The following ERI3 variants were observed in gnomAD, a reference collection of about 807,000 sequenced individuals.
ERI3 encodes ERI1 exoribonuclease family member 3.
Under a neutral mutation model 44.4 loss-of-function variants are expected in ERI3, and 18 were observed. That is an observed-to-expected ratio of 0.41 (90% CI 0.28 to 0.60). ERI3 has a LOEUF of 0.60. Ranked by LOEUF, ERI3 falls within the 20% of genes least tolerant of loss-of-function variation. ERI3 has a pLI of 0.36. For synonymous variants in ERI3, 183 were observed against 164.8 expected (o/e 1.11, Z -0.84); for missense variants, 294 against 435.5 (o/e 0.68, Z 2.89).
chr1:44,353,490 G>A (rs1646937656), intron 1 of ERI3: 1 of 985,424 alleles, frequency 1.0e-6, no homozygotes, highest in Non-Finnish European at 1.2e-6. Context: ...AGAAGTTGCA[G>A]AGATGCCCCT....
intron 3 of ERI3, among the ~76,000 whole-genome samples, chr1:44,330,144 T>A (rs1400478640): frequency 6.6e-6 from 1 of 152,224 alleles, no homozygotes; most frequent in South Asian, 2.1e-4. Context: ...TGTTTCTTCT[T>A]TTCCACTCAG....
At chr1:44,261,730 C>T (rs1166568350) in intron 7 of ERI3, among the ~76,000 whole-genome samples, 1 of 152,220 alleles carries the variant, frequency 6.6e-6, no homozygotes. Flanking sequence ...TCTTTTCTTC[C>T]CTTCCAATCC....
rs181410188 is a variant in ERI3, at chr1:44,234,010, G to C, written c.932-12370C>G. Among the ~76,000 whole-genome samples, 20 of 152,130 alleles carry C rather than the reference G, an allele frequency of 1.3e-4. No homozygotes were observed. The East Asian group carries it at 2.1e-3, about 16-fold the overall frequency. On this transcript the variant is annotated intron_variant, in intron 8 of 8. Coordinates refer to ENST00000372257, the MANE Select transcript of ERI3 (RefSeq NM_024066.3). ...CACTCCTTGAAGCTCTCTTCCCTAG[G>C]CTTCAGTGACCCACTCTCACTTTTC...
intron 5 of ERI3, among the ~76,000 whole-genome samples, chr1:44,308,980 A>G (rs554330146): frequency 8.7e-4 from 133 of 152,326 alleles, no homozygotes; most frequent in Non-Finnish European, 1.5e-3. Context: ...TCCAGTTGCT[A>G]AAAGTTCAAA....
chr1:44,345,366 G>A (rs969409657), intron 2 of ERI3, among the ~76,000 whole-genome samples: 2 of 152,200 alleles, frequency 1.3e-5, no homozygotes. Flanking sequence ...CTGGGATGGT[G>A]TATGTTTATA....
intron 8 of ERI3, among the ~76,000 whole-genome samples, chr1:44,229,340 T>C (rs1185898682): frequency 6.6e-6 from 1 of 152,152 alleles, no homozygotes; most frequent in Non-Finnish European, 1.5e-5. Context: ...GGGAAGGAAA[T>C]GAAGAGGCAG....
At chr1:44,286,430 G>C (rs1442963247) in intron 6 of ERI3, among the ~76,000 whole-genome samples, 1 of 152,148 alleles carries the variant, frequency 6.6e-6, no homozygotes, top group Non-Finnish European at 1.5e-5. Context: ...TGGATATCTA[G>C]TTTTGAAGAG....
In ERI3 at chr1:44,257,951, C is replaced by T. The variant is rs528678457; in HGVS notation, c.832-9913G>A. On this transcript the variant is annotated intron_variant, in intron 7 of 8. Coordinates refer to ENST00000372257, the MANE Select transcript of ERI3 (RefSeq NM_024066.3). ...AAAACAGTCTAAGTTCTTATGTTCT[C>T]CCACCCAGGCCTAGATGGAGAGAGG... Among the ~76,000 whole-genome samples the T allele has an allele frequency of 1.6e-3, 248 of 152,206 alleles. 1 individual carries two copies. The highest frequency in any genetic ancestry group is 3.1e-3 in the Non-Finnish European group (209 of 68,048).
rs574346859 is a variant in ERI3, at chr1:44,324,394, T to C, written c.490-4650A>G. 1.2e-4 allele frequency among the ~76,000 whole-genome samples: 18 copies of C among 151,906 alleles called. 1 individual carries two copies. In the East Asian group the frequency reaches 2.3e-3, roughly 20 times the overall value. ...CTGAGTGGTTTCCTCCCTGAACTAC[T>C]ATAAACCACCAAATCCCAGTCTTAC... On this transcript the variant is annotated intron_variant, in intron 3 of 8. Coordinates refer to ENST00000372257, the MANE Select transcript of ERI3 (RefSeq NM_024066.3).
intron 8 of ERI3, among the ~76,000 whole-genome samples, chr1:44,233,271 C>T (rs1037053396): frequency 6.6e-6 from 1 of 152,114 alleles, no homozygotes; most frequent in Middle Eastern, 3.2e-3. Flanking sequence ...CTGCCCTCAA[C>T]ATCACCCCAA....
chr1:44,303,826 G>A (rs1372880438), intron 6 of ERI3, among the ~76,000 whole-genome samples: 1 of 152,166 alleles, frequency 6.6e-6, no homozygotes, highest in Non-Finnish European at 1.5e-5. Context: ...GCTGCAATTA[G>A]GAGAATGGAA....
chr1:44,326,549 C>T (rs982470922), intron 3 of ERI3, among the ~76,000 whole-genome samples: 7 of 152,134 alleles, frequency 4.6e-5, no homozygotes, highest in Admixed American at 3.3e-4. Flanking sequence ...GCTGCAAATT[C>T]GAATTGCCAA....
At position 44,252,700 on chromosome 1, in the gene ERI3, C is replaced by T. The variant is rs1172075527; in HGVS notation, c.832-4662G>A. On this transcript the variant is annotated intron_variant, in intron 7 of 8. Transcript: ENST00000372257. This position sits in a 1 kb window ranked among gnomAD's most constrained non-coding sequence, Gnocchi z 4.7. ...TAGATGAAGTAGCCCTCATCGGCTG[C>T]AGCATCAGATCCTTCAAAGAGGAAA... Among the ~76,000 whole-genome samples, 1 of 152,194 alleles carries T rather than the reference C, an allele frequency of 6.6e-6. No individual in the cohort carries two copies. The highest frequency in any genetic ancestry group is 1.5e-5 in the Non-Finnish European group (1 of 68,036).
chr1:44,237,388 A>G (rs1464395032), intron 8 of ERI3, among the ~76,000 whole-genome samples: 7 of 152,162 alleles, frequency 4.6e-5, no homozygotes, highest in Non-Finnish European at 1.0e-4. Flanking sequence ...TCACTCAGAA[A>G]CTTTTCTAGA....
At chr1:44,242,119 C>T (rs903913969) in intron 8 of ERI3, 2 of 985,798 alleles carry the variant, frequency 2.0e-6, no homozygotes, top group Non-Finnish European at 2.4e-6. Context: ...TCATGACCAT[C>T]CATCTCCCTA....
chr1:44,333,588 G>C (rs770774664), intron 3 of ERI3, among the ~76,000 whole-genome samples: 2 of 152,204 alleles, frequency 1.3e-5, no homozygotes, highest in Non-Finnish European at 2.9e-5. Flanking sequence ...CAATGTGTTG[G>C]GCAGGGCGGG....
At chr1:44,290,576 T>C (rs913521069) in intron 6 of ERI3, among the ~76,000 whole-genome samples, 3 of 152,196 alleles carry the variant, frequency 2.0e-5, no homozygotes, top group East Asian at 3.9e-4. Context: ...CAGGGAGCCC[T>C]ATCTAGTCAG....
intron 8 of ERI3, chr1:44,244,421 C>T (rs11578647): frequency 0.25 from 37,865 of 152,738 alleles, 4,774 homozygotes; most frequent in Non-Finnish European, 0.26. Context: ...TGACTTCACC[C>T]TCAGTCCCCA....
rs778936296 is a variant in ERI3 at position 44,259,920 on chromosome 1, T to TAGATAGATAGAC, written c.832-11883_832-11882insGTCTATCTATCT. Among the ~76,000 whole-genome samples the TAGATAGATAGAC allele has an allele frequency of 6.7e-3, 864 of 129,604 alleles. 8 individuals are homozygous for TAGATAGATAGAC. The highest frequency in any genetic ancestry group is 8.8e-3 in the Admixed American group (118 of 13,424). The allele number at this position is 129,604 out of a possible 152,430, so 85.0% of individuals were successfully genotyped here. On this transcript the variant is annotated intron_variant, in intron 7 of 8. Coordinates refer to ENST00000372257, the MANE Select transcript of ERI3 (RefSeq NM_024066.3). ...ATAGATAGATAGATAGATAGATAGA[T>TAGATAGATAGAC]AGACAGACAGACAGACAGACAGACA... is the stretch of plus-strand genomic sequence containing the variant.
Sources: allele counts gnomAD v4.1 joint callset (sites outside exome capture counted in the v4.1 genomes callset), GRCh38; gene constraint gnomAD v4.1.1; non-coding constraint Gnocchi (gnomAD v3.1); transcripts MANE v1.5; gene names NCBI Gene and HGNC (gene_info 2026-07-23, HGNC 2026-07-21).